Variants in SCN7A observed in about 807,000 individuals in gnomAD.
SCN7A encodes the protein sodium voltage-gated channel alpha subunit 7.
A neutral mutation model predicts 155.2 loss-of-function variants in SCN7A; 138 were observed. The observed-to-expected ratio is 0.89, with a 90% CI of 0.77 to 1.02. The LOEUF (loss-of-function observed/expected upper bound fraction) is 1.02, where lower values mean the gene tolerates loss of function less well. SCN7A is among the 50% of genes least tolerant of loss of function. The pLI is 0.00. For synonymous variants in SCN7A, 693 were observed against 649.0 expected (o/e 1.07, Z -1.03); for missense variants, 2,058 against 1,986.6 (o/e 1.04, Z -0.68).
At chr2:166,462,571 A>G in intron 9 of SCN7A, 41 bp from the exon 10 acceptor site, 1 of 1,590,710 alleles carries the variant, frequency 6.3e-7, no homozygotes, top group Non-Finnish European at 8.6e-7. Flanking sequence ...CTATTAGGTG[A>G]CTATCAGATT....
At chr2:166,441,342 C>T (rs1307950486) in intron 15 of SCN7A, 54 bp downstream of exon 15, 1 of 1,292,970 alleles carries the variant, frequency 7.7e-7, no homozygotes, top group African/African-American at 1.5e-5. Flanking sequence ...CATGAAAATA[C>T]CAAACTACCT....
chr2:166,453,871 A>G (rs1226057864), intron 11 of SCN7A, among the ~76,000 whole-genome samples: 1 of 152,080 alleles, frequency 6.6e-6, no homozygotes, highest in Admixed American at 6.6e-5. Context: ...ATTTTTTCTA[A>G]TTTTTTGTAT....
intron 2 of SCN7A, among the ~76,000 whole-genome samples, chr2:166,485,882 A>G (rs1004073631): frequency 6.6e-6 from 1 of 152,170 alleles, no homozygotes; most frequent in African/African-American, 2.4e-5. Flanking sequence ...ATTGTCCTGG[A>G]ATTCTATTTC....
intron 25 of SCN7A, among the ~76,000 whole-genome samples, chr2:166,407,447 T>C (rs1182745917): frequency 6.6e-6 from 1 of 152,006 alleles, no homozygotes; most frequent in African/African-American, 2.4e-5. Flanking sequence ...ACGAGGCTTC[T>C]AAGTGATATG....
chr2:166,427,023 C>T (rs926462655), intron 18 of SCN7A, among the ~76,000 whole-genome samples: 3 of 152,000 alleles, frequency 2.0e-5, no homozygotes, highest in Non-Finnish European at 2.9e-5. Flanking sequence ...TACCAATATA[C>T]ATTCTATTTT....
At chr2:166,413,437 C>A (rs1262845264) in intron 21 of SCN7A, among the ~76,000 whole-genome samples, 1 of 152,038 alleles carries the variant, frequency 6.6e-6, no homozygotes, top group Non-Finnish European at 1.5e-5. Context: ...TACACATGTG[C>A]TTTTCTGTGA....
intron 14 of SCN7A, among the ~76,000 whole-genome samples, chr2:166,442,508 C>A (rs1701982665): frequency 6.6e-6 from 1 of 152,094 alleles, no homozygotes; most frequent in African/African-American, 2.4e-5. Flanking sequence ...CCACCTTAGC[C>A]TCCTGAGTAG....
At chr2:166,416,639 T>A (rs1377154283) in intron 21 of SCN7A, 68 bp downstream of exon 21, 1 of 1,327,534 alleles carries the variant, frequency 7.5e-7, no homozygotes, top group Non-Finnish European at 1.0e-6. Context: ...CCACATTTTG[T>A]CCTTTGCATT....
chr2:166,415,380 C>T (rs1701353871), intron 21 of SCN7A, among the ~76,000 whole-genome samples: 1 of 151,668 alleles, frequency 6.6e-6, no homozygotes, highest in African/African-American at 2.4e-5. Context: ...ATGCGACACT[C>T]CACCCAGCTA....
At chr2:166,418,452 G>T (rs1701439058) in intron 20 of SCN7A, among the ~76,000 whole-genome samples, 1 of 150,832 alleles carries the variant, frequency 6.6e-6, no homozygotes, top group Admixed American at 6.6e-5. Flanking sequence ...TTATACTTTT[G>T]ATTTCCCTCT....
chr2:166,423,547 G>A, intron 18 of SCN7A, 115 bp from the exon 19 acceptor site: 1 of 1,154,564 alleles, frequency 8.7e-7, no homozygotes, highest in Admixed American at 3.5e-5. Context: ...AGCACTGTCA[G>A]AGATTGTAGG....
chr2:166,463,643 T>G (rs910742638), intron 9 of SCN7A, among the ~76,000 whole-genome samples: 1 of 152,094 alleles, frequency 6.6e-6, no homozygotes, highest in Admixed American at 6.5e-5. Context: ...TATTTGAGCT[T>G]GGAATGTACA....
At position 166,472,332 on chromosome 2, in the gene SCN7A, C is replaced by T; in HGVS notation, c.557G>A (p.Ser186Asn). The stretch of plus-strand genomic sequence containing the variant: ...AAATACTCACTCAAACACAGTTACG[C>T]TGAAATCGAGCCAGTTCCATGGATC... ...LGDPWNWLDF[S>N]VTVFEVIIRY... Residue 186 changes from serine (S) to asparagine (N), a missense_variant, in exon 6 of 26, where the codon AGC becomes AAC. Ser to Asn is a conservative substitution (Grantham distance 46). Transcript: ENST00000643258. The T allele has an allele frequency of 6.2e-7, 1 of 1,605,626 alleles. No individual in the cohort carries two copies. The highest frequency in any genetic ancestry group is 8.5e-7 in the Non-Finnish European group (1 of 1,175,702).
intron 25 of SCN7A, among the ~76,000 whole-genome samples, chr2:166,408,435 T>C (rs1334176638): frequency 5.3e-5 from 8 of 152,032 alleles, no homozygotes; most frequent in Admixed American, 5.3e-4. Context: ...TATAATCACA[T>C]TCTGGACCCA....
intron 20 of SCN7A, among the ~76,000 whole-genome samples, chr2:166,419,958 A>C (rs571426830): frequency 6.8e-4 from 104 of 152,156 alleles, no homozygotes; most frequent in Non-Finnish European, 1.3e-3. Context: ...TAAGAAACAG[A>C]TAGATCAGGC....
chr2:166,490,250 T>C (rs967545841), intron 1 of SCN7A, among the ~76,000 whole-genome samples: 13 of 152,224 alleles, frequency 8.5e-5, no homozygotes, highest in South Asian at 2.1e-4. Context: ...ATCTTTCCTT[T>C]CCCCATTCAC....
chr2:166,421,416 G>A (rs1460311420), intron 19 of SCN7A, 119 bp from the exon 20 acceptor site: 5 of 473,808 alleles, frequency 1.1e-5, no homozygotes, highest in African/African-American at 4.1e-5. Flanking sequence ...CAGTAAATTC[G>A]TGAATTATTT....
intron 12 of SCN7A, among the ~76,000 whole-genome samples, chr2:166,445,337 GGAAGGAAGGAAGGAAA>G (rs1486390920): frequency 1.4e-4 from 21 of 148,160 alleles, no homozygotes; most frequent in South Asian, 4.4e-4. Flanking sequence ...AAAAAAGGAA[GGAAGGAAGGAAGGAAA>G]GAAGGAAGGA....
In SCN7A at chr2:166,431,480, C is replaced by T. The variant is rs1044491019; in HGVS notation, c.2592+838G>A. Among the ~76,000 whole-genome samples, 7 of 152,148 alleles carry T rather than the reference C, an allele frequency of 4.6e-5. No individual in the cohort carries two copies. In the East Asian group the frequency reaches 1.4e-3, roughly 29 times the overall value. On this transcript the variant is annotated intron_variant, in intron 16 of 25. Transcript: ENST00000643258. The stretch of plus-strand genomic sequence containing the variant: ...AGACACATTCCCCGACCCTCCAGTG[C>T]CCCTGAGTGATCTGAAATGATTCCC...
Sources: gnomAD v4.1 joint callset for allele counts (sites outside exome capture counted in the v4.1 genomes callset) on GRCh38, gnomAD v4.1.1 for gene constraint, MANE v1.5 for transcripts, NCBI Gene and HGNC (gene_info 2026-07-23, HGNC 2026-07-21) for gene names.